The following AGBL3 variants were observed in gnomAD, a reference collection of about 807,000 sequenced individuals.
AGBL3 encodes AGBL carboxypeptidase 3.
A neutral mutation model predicts 94.5 loss-of-function variants in AGBL3; 68 were observed. The ratio of observed to expected loss-of-function variants is 0.72; its 90% CI spans 0.59 to 0.88. The LOEUF is 0.88. Ranked by LOEUF, AGBL3 falls within the 40% of genes least tolerant of loss-of-function variation. AGBL3 has a pLI of 0.00. For missense variants in AGBL3, 934 were observed against 1,103.8 expected (o/e 0.85, Z 2.18); for synonymous variants, 354 against 370.7 (o/e 0.95, Z 0.52).
intron 4 of AGBL3, among the ~76,000 whole-genome samples, chr7:134,996,683 G>A (rs781102142): frequency 7.2e-5 from 11 of 152,032 alleles, no homozygotes; most frequent in Non-Finnish European, 1.3e-4. Flanking sequence ...TGAATTTAAG[G>A]GGTTTCCAGT....
At chr7:134,991,472 A>G (rs1810267354) in intron 3 of AGBL3, among the ~76,000 whole-genome samples, 1 of 152,028 alleles carries the variant, frequency 6.6e-6, no homozygotes, top group South Asian at 2.1e-4. Flanking sequence ...GTCATTTCTT[A>G]GTCTAGGCCA....
chr7:135,131,512 G>T (rs1193872847), intron 16 of AGBL3, among the ~76,000 whole-genome samples: 1 of 151,708 alleles, frequency 6.6e-6, no homozygotes, highest in Non-Finnish European at 1.5e-5. Context: ...TAATGGAAAT[G>T]AAACTATAAT....
intron 16 of AGBL3, among the ~76,000 whole-genome samples, chr7:135,130,582 A>C (rs1337101374): frequency 6.6e-6 from 1 of 151,930 alleles, no homozygotes; most frequent in Non-Finnish European, 1.5e-5. Context: ...CTGCTGGAAT[A>C]GGAGAAAGCT....
At chr7:135,045,680 T>C (rs1304890855) in intron 10 of AGBL3, 106 bp downstream of exon 10, 2 of 1,312,828 alleles carry the variant, frequency 1.5e-6, no homozygotes, top group East Asian at 2.5e-5. Flanking sequence ...AACAGTGTTG[T>C]TGGGGTTTTA....
rs1417189798 is a variant in AGBL3, at chr7:135,135,324, G to T, written c.*63G>T. On this transcript the variant is annotated 3_prime_UTR_variant, in exon 17 of 17. Transcript: ENST00000436302. The stretch of plus-strand genomic sequence containing the variant: ...ATAACATATGCTTATGTAGTAAAAA[G>T]AAAAAAAGGAAAGCCCTCCCCTTCC... 1 of 1,330,550 alleles carries T rather than the reference G, an allele frequency of 7.5e-7. No individual in the cohort carries two copies. Among genetic ancestry groups the T allele is most frequent in the African/African-American group, 1.5e-5 (1 of 67,568 alleles). The allele number at this position is 1,330,550 out of a possible 1,614,324, so 82.4% of individuals were successfully genotyped here.
At chr7:135,129,717 GTGGAT>G (rs1430819461) in intron 16 of AGBL3, 1 of 747,072 alleles carries the variant, frequency 1.3e-6, no homozygotes, top group African/African-American at 1.7e-5. Context: ...AGATATGGAA[GTGGAT>G]TGGTTTTCCC....
chr7:135,114,272 T>C (rs1329614398), intron 15 of AGBL3, among the ~76,000 whole-genome samples: 1 of 152,216 alleles, frequency 6.6e-6, no homozygotes, highest in African/African-American at 2.4e-5. Context: ...GGAACCATCA[T>C]ATTGTTTTCC....
chr7:135,003,560 G>A (rs1811991213), intron 4 of AGBL3, among the ~76,000 whole-genome samples: 1 of 151,586 alleles, frequency 6.6e-6, no homozygotes, highest in African/African-American at 2.4e-5. Flanking sequence ...ACTTAAGGAA[G>A]AGTAACATAC....
At chr7:135,014,224 AAAAC>A (rs1475864902) in intron 4 of AGBL3, among the ~76,000 whole-genome samples, 7 of 143,116 alleles carry the variant, frequency 4.9e-5, no homozygotes, top group African/African-American at 1.8e-4. Context: ...AAAAAAAAAA[AAAAC>A]CCGAAATGTT....
At chr7:135,033,542 CAACT>C (rs1815992096) in intron 6 of AGBL3, among the ~76,000 whole-genome samples, 2 of 152,146 alleles carry the variant, frequency 1.3e-5, no homozygotes, top group African/African-American at 4.8e-5. Flanking sequence ...AAAATAGTCA[CAACT>C]AACCAGATAA....
intron 15 of AGBL3, among the ~76,000 whole-genome samples, chr7:135,098,313 T>C (rs1823231697): frequency 6.6e-6 from 1 of 152,204 alleles, no homozygotes; most frequent in Non-Finnish European, 1.5e-5. Context: ...TGTTTGCATA[T>C]AACCTATGCA....
chr7:135,130,764 C>G (rs1358861603), intron 16 of AGBL3, among the ~76,000 whole-genome samples: 1 of 152,094 alleles, frequency 6.6e-6, no homozygotes, highest in Non-Finnish European at 1.5e-5. Flanking sequence ...TAAAGGTCTT[C>G]TCTAACAAGC....
At chr7:135,120,921 T>C (rs1827047736) in intron 16 of AGBL3, among the ~76,000 whole-genome samples, 1 of 152,152 alleles carries the variant, frequency 6.6e-6, no homozygotes, top group South Asian at 2.1e-4. Flanking sequence ...ATCACAGAAC[T>C]GGCTGGGTGC....
chr7:135,026,830 T>C (rs915648074), intron 5 of AGBL3, among the ~76,000 whole-genome samples: 1 of 151,658 alleles, frequency 6.6e-6, no homozygotes, highest in Non-Finnish European at 1.5e-5. Flanking sequence ...TTTGACAGTC[T>C]GCATTTCGTG....
chr7:135,039,373 TGAA>T (rs1816619753), intron 8 of AGBL3, among the ~76,000 whole-genome samples: 1 of 152,002 alleles, frequency 6.6e-6, no homozygotes, highest in African/African-American at 2.4e-5. Context: ...ATATGTAACA[TGAA>T]ATTTTATGAA....
chr7:135,034,125 T>G, intron 6 of AGBL3, 24 bp from the exon 7 acceptor site: 1 of 1,386,330 alleles, frequency 7.2e-7, no homozygotes, highest in Non-Finnish European at 9.4e-7. Flanking sequence ...ACGTGCTTTT[T>G]TCCCTTTCTT....
At position 135,010,440 on chromosome 7, in the gene AGBL3, A is replaced by G. The variant is rs1156859108; in HGVS notation, c.311-6612A>G. ...GTTCTATATCGAAGAAAACTAAAAT[A>G]CACATTAAAGTTCAATGCAATGTGT... On this transcript the variant is annotated intron_variant, in intron 4 of 16. Transcript: ENST00000436302. 5 of 168,484 alleles carry G rather than the reference A, an allele frequency of 3.0e-5. No individual in the cohort carries two copies. The Admixed American group carries it at 3.0e-4, about 10-fold the overall frequency. 10.4% of individuals were successfully genotyped at this position (168,484 alleles called of 1,614,324 possible). A position where few individuals can be genotyped will look rare whatever the true frequency, so the allele number is the denominator to read the frequency against.
chr7:135,046,439 C>T (rs1381976610), intron 11 of AGBL3, among the ~76,000 whole-genome samples: 3 of 152,014 alleles, frequency 2.0e-5, no homozygotes, highest in Admixed American at 2.0e-4. Context: ...AGAGTATTTT[C>T]ACTGTAAGGA....
intron 12 of AGBL3, among the ~76,000 whole-genome samples, chr7:135,073,703 G>A (rs973490017): frequency 6.6e-6 from 1 of 151,940 alleles, no homozygotes; most frequent in African/African-American, 2.4e-5. Context: ...GCATGATAGG[G>A]TCATGACCGA....
Sources: allele counts gnomAD v4.1 joint callset (sites outside exome capture counted in the v4.1 genomes callset), GRCh38; gene constraint gnomAD v4.1.1; transcripts MANE v1.5; gene names NCBI Gene and HGNC (gene_info 2026-07-23, HGNC 2026-07-21).